The following GALNT13 variants were observed in gnomAD, a reference collection of about 807,000 sequenced individuals.
GALNT13 encodes the protein polypeptide N-acetylgalactosaminyltransferase 13.
GALNT13 carries 28 observed loss-of-function variants against 64.2 expected under a neutral mutation model. The observed-to-expected ratio is 0.44, with a 90% confidence interval of 0.32 to 0.60. The LOEUF (loss-of-function observed/expected upper bound fraction) is 0.60. Ranked by LOEUF, GALNT13 falls within the 20% of genes least tolerant of loss-of-function variation. The pLI is 0.05. For missense variants in GALNT13, 577 were observed against 669.8 expected (o/e 0.86, Z 1.53); for synonymous variants, 214 against 224.6 (o/e 0.95, Z 0.42).
the GALNT13 span, among the ~76,000 whole-genome samples, chr2:153,076,439 C>G: frequency 1.3e-5 from 2 of 152,196 alleles, no homozygotes; most frequent in Admixed American, 6.5e-5. Context: ...TTCAATGTTT[C>G]TGTGCCATGA....
chr2:153,786,318 C>A, the GALNT13 span, among the ~76,000 whole-genome samples: 1 of 152,170 alleles, frequency 6.6e-6, no homozygotes, highest in African/African-American at 2.4e-5. Flanking sequence ...TACGCTGACA[C>A]CTCCAGCACA....
At chr2:153,697,650 C>T in the GALNT13 span, among the ~76,000 whole-genome samples, 2 of 152,176 alleles carry the variant, frequency 1.3e-5, no homozygotes, top group Non-Finnish European at 2.9e-5. Flanking sequence ...TGGAGCTTAG[C>T]AATTGAGGCT....
At chr2:154,310,629 G>A (rs1286692959) in intron 9 of GALNT13, among the ~76,000 whole-genome samples, 1 of 151,994 alleles carries the variant, frequency 6.6e-6, no homozygotes, top group Non-Finnish European at 1.5e-5. Flanking sequence ...GGTTTCAGTT[G>A]TCCCTTACTA....
chr2:154,371,666 C>T (rs1697693453), intron 9 of GALNT13, among the ~76,000 whole-genome samples: 1 of 151,824 alleles, frequency 6.6e-6, no homozygotes, highest in Non-Finnish European at 1.5e-5. Flanking sequence ...CAAGGGTAGG[C>T]ATTTTCGTTT....
At chr2:153,731,473 A>T in the GALNT13 span, among the ~76,000 whole-genome samples, 1 of 151,890 alleles carries the variant, frequency 6.6e-6, no homozygotes, top group Non-Finnish European at 1.5e-5. Context: ...GCAAAACTGT[A>T]CTTGTACACC....
At chr2:154,189,580 GT>G (rs1686456424) in intron 4 of GALNT13, among the ~76,000 whole-genome samples, 1 of 151,024 alleles carries the variant, frequency 6.6e-6, no homozygotes, top group South Asian at 2.1e-4. Context: ...TGGATTTCCA[GT>G]TTCCAGAACT....
intron 3 of GALNT13, among the ~76,000 whole-genome samples, chr2:154,130,924 A>G (rs2105546481): frequency 6.6e-6 from 1 of 152,296 alleles, no homozygotes; most frequent in East Asian, 1.9e-4. Context: ...GGCTTCTCAA[A>G]ACATCTGGCA....
At chr2:154,270,668 A>G (rs1691304665) in intron 8 of GALNT13, among the ~76,000 whole-genome samples, 1 of 151,960 alleles carries the variant, frequency 6.6e-6, no homozygotes, top group Non-Finnish European at 1.5e-5. Flanking sequence ...CCTGACAGCT[A>G]AAGTGAAAAT....
intron 9 of GALNT13, among the ~76,000 whole-genome samples, chr2:154,317,897 A>T (rs1559087414): frequency 6.6e-6 from 1 of 151,682 alleles, no homozygotes; most frequent in Non-Finnish European, 1.5e-5. Flanking sequence ...CAGGACATAG[A>T]CTCTTATTCA....
At chr2:153,238,564 C>T in the GALNT13 span, among the ~76,000 whole-genome samples, 1 of 151,662 alleles carries the variant, frequency 6.6e-6, no homozygotes, top group Non-Finnish European at 1.5e-5. Flanking sequence ...TCCAGTTTCC[C>T]CAGCATTATT....
At chr2:153,884,345 CTG>C (rs1686988445) in intron 1 of GALNT13, among the ~76,000 whole-genome samples, 1 of 151,778 alleles carries the variant, frequency 6.6e-6, no homozygotes, top group South Asian at 2.1e-4. Context: ...CAACCACTCT[CTG>C]TGGAGGCATC....
rs1160616972 is a variant in GALNT13, at chr2:154,009,113, G to A, written c.142+64474G>A. 2.6e-5 allele frequency among the ~76,000 whole-genome samples: 4 copies of A among 151,700 alleles called. No homozygotes were observed. In the East Asian group the frequency reaches 7.8e-4, roughly 29 times the overall value. On this transcript the variant is annotated intron_variant, in intron 3 of 12. Coordinates refer to ENST00000392825, the MANE Select transcript of GALNT13 (RefSeq NM_052917.4). ...GCCCAGTTTCACTCTTCTGCCTGTG[G>A]CTAGCCAGTTATCCCAGCATCATTT...
chr2:153,287,495 T>C, the GALNT13 span, among the ~76,000 whole-genome samples: 2 of 152,168 alleles, frequency 1.3e-5, no homozygotes, highest in African/African-American at 4.8e-5. Context: ...GGTTTTTTAA[T>C]GAGTGGTGGA....
At position 154,263,574 on chromosome 2, in the gene GALNT13, T is replaced by A. The variant is rs190598266; in HGVS notation, c.975+4436T>A. Among the ~76,000 whole-genome samples, 41 of 152,210 alleles carry A rather than the reference T, an allele frequency of 2.7e-4. No individual in the cohort carries two copies. The South Asian group carries it at 4.4e-3, about 16-fold the overall frequency. On this transcript the variant is annotated intron_variant, in intron 8 of 12. Coordinates refer to ENST00000392825, the MANE Select transcript of GALNT13 (RefSeq NM_052917.4). ...TACATTAAAGTATAATTATACTAAGTGTTAGTTGAGATGTAGTTCTAAGGC... is the reference window on the plus strand; with the variant it reads ...TACATTAAAGTATAATTATACTAAGAGTTAGTTGAGATGTAGTTCTAAGGC...
At chr2:153,813,164 A>G in the GALNT13 span, among the ~76,000 whole-genome samples, 70 of 152,268 alleles carry the variant, frequency 4.6e-4, 1 homozygote, top group East Asian at 0.014. Flanking sequence ...TCAGTGATTC[A>G]GAGTCTAAGT....
chr2:153,564,214 ATTC>A, the GALNT13 span, among the ~76,000 whole-genome samples: 1 of 151,120 alleles, frequency 6.6e-6, no homozygotes, highest in African/African-American at 2.4e-5. Flanking sequence ...TTTTTTTACT[ATTC>A]TTCTTGTTTA....
the GALNT13 span, among the ~76,000 whole-genome samples, chr2:153,403,251 G>T: frequency 1.3e-5 from 2 of 150,940 alleles, no homozygotes; most frequent in African/African-American, 2.4e-5. Context: ...GGGGTCAGGG[G>T]TCAGGGACCC....
At chr2:154,095,172 A>T (rs1350363126) in intron 3 of GALNT13, among the ~76,000 whole-genome samples, 1 of 151,870 alleles carries the variant, frequency 6.6e-6, no homozygotes, top group African/African-American at 2.4e-5. Context: ...TATTGTTCAT[A>T]TACAGCCGGT....
intron 7 of GALNT13, among the ~76,000 whole-genome samples, chr2:154,255,245 G>C (rs899706287): frequency 3.3e-5 from 5 of 152,090 alleles, no homozygotes; most frequent in Admixed American, 6.6e-5. Context: ...AAAATCAATG[G>C]GGACCTTTCA....
Sources: allele counts gnomAD v4.1 joint callset (sites outside exome capture counted in the v4.1 genomes callset), GRCh38; gene constraint gnomAD v4.1.1; transcripts MANE v1.5; gene names NCBI Gene and HGNC (gene_info 2026-07-23, HGNC 2026-07-21).